Variants in TBCD observed in about 807,000 individuals in gnomAD.
The protein encoded by TBCD is tubulin folding cofactor D, also known as tubulin-specific chaperone D.
TBCD carries 105 observed loss-of-function variants against 169.3 expected under a neutral mutation model. The ratio of observed to expected loss-of-function variants is 0.62; its 90% CI spans 0.53 to 0.73. TBCD has a LOEUF of 0.73. Ranked by LOEUF, TBCD falls within the 30% of genes least tolerant of loss-of-function variation. The pLI, the probability that TBCD is intolerant of heterozygous loss-of-function variation, is 0.00. For missense variants in TBCD, 1,444 were observed against 1,600.1 expected (o/e 0.90, Z 1.66); for synonymous variants, 700 against 643.9 (o/e 1.09, Z -1.32).
At chr17:82,805,843 A>C (rs375287422) in intron 9 of TBCD, 32 bp from the exon 10 acceptor site, 1 of 1,586,420 alleles carries the variant, frequency 6.3e-7, no homozygotes, top group Non-Finnish European at 8.6e-7. Flanking sequence ...GTGAGCTACA[A>C]AGCTGATCTG....
At chr17:82,917,847 G>A (rs1189602963) in intron 23 of TBCD, among the ~76,000 whole-genome samples, 1 of 152,112 alleles carries the variant, frequency 6.6e-6, no homozygotes, top group South Asian at 2.1e-4. Context: ...TTCTTGTGGC[G>A]CCCCCTGGAG....
chr17:82,877,979 T>C (rs1221064914), intron 14 of TBCD, among the ~76,000 whole-genome samples: 1 of 152,244 alleles, frequency 6.6e-6, no homozygotes, highest in African/African-American at 2.4e-5. Context: ...TCTTTTAAGA[T>C]CTTTAGATAA....
At chr17:82,767,567 G>C (rs139831505) in intron 4 of TBCD, among the ~76,000 whole-genome samples, 1,521 of 152,088 alleles carry the variant, frequency 0.01, 21 homozygotes, top group African/African-American at 0.035. Flanking sequence ...TCAGCCTCCT[G>C]AGTAGCTGGG....
intron 13 of TBCD, among the ~76,000 whole-genome samples, chr17:82,840,903 G>A (rs1296311856): frequency 6.6e-6 from 1 of 151,108 alleles, no homozygotes; most frequent in Admixed American, 6.6e-5. Context: ...CTGCAGGGCA[G>A]AGGCTGCAGG....
At chr17:82,755,787 G>T (rs1054069415) in intron 1 of TBCD, among the ~76,000 whole-genome samples, 7 of 152,192 alleles carry the variant, frequency 4.6e-5, no homozygotes, top group Non-Finnish European at 8.8e-5. Flanking sequence ...GAGTGCCAGG[G>T]ATGTGTGTCT....
In TBCD at chr17:82,929,575, A is replaced by G. The variant is rs2034962; in HGVS notation, c.2991+75A>G. 930,255 of 1,574,940 alleles carry G rather than the reference A, an allele frequency of 0.59. 276,337 individuals are homozygous for G. The highest frequency in any genetic ancestry group is 0.76 in the African/African-American group (56,555 of 74,530). Reference sequence around the variant, plus strand: ...TGGTGCTTCCCTGTCTCTTGGGAGCATGTATGGAGCTGGGCCTTTTCTTCC... The same window carrying G: ...TGGTGCTTCCCTGTCTCTTGGGAGCGTGTATGGAGCTGGGCCTTTTCTTCC... On this transcript the variant is annotated intron_variant, in intron 32 of 38. Coordinates refer to ENST00000355528, the MANE Select transcript of TBCD (RefSeq NM_005993.5).
At chr17:82,936,342 C>T (rs943101229) in intron 34 of TBCD, among the ~76,000 whole-genome samples, 2 of 152,192 alleles carry the variant, frequency 1.3e-5, no homozygotes, top group African/African-American at 2.4e-5. Flanking sequence ...CGTGTTTCCA[C>T]GTCTGCTTGT....
At chr17:82,848,170 G>A (rs2145592091) in intron 13 of TBCD, among the ~76,000 whole-genome samples, 1 of 152,306 alleles carries the variant, frequency 6.6e-6, no homozygotes, top group South Asian at 2.1e-4. Context: ...ACAGTCCCCG[G>A]CTCCTCCCTT....
At chr17:82,834,201 G>A (rs1489410848) in intron 13 of TBCD, among the ~76,000 whole-genome samples, 4 of 152,130 alleles carry the variant, frequency 2.6e-5, no homozygotes, top group Non-Finnish European at 4.4e-5. Flanking sequence ...ACCTGCCTTA[G>A]CCTCCCAAAG....
chr17:82,802,607 G>A (rs1290800243), intron 9 of TBCD, among the ~76,000 whole-genome samples: 1 of 152,234 alleles, frequency 6.6e-6, no homozygotes, highest in Non-Finnish European at 1.5e-5. Context: ...GAGCTGATTG[G>A]TTTTAGTCTG....
At chr17:82,787,322 A>G (rs2049389614) in intron 7 of TBCD, among the ~76,000 whole-genome samples, 2 of 152,248 alleles carry the variant, frequency 1.3e-5, no homozygotes, top group South Asian at 4.1e-4. Flanking sequence ...TGGGAAGGGA[A>G]TGAATGAAAC....
At chr17:82,794,067 A>C (rs1459797770) in intron 7 of TBCD, among the ~76,000 whole-genome samples, 1 of 152,076 alleles carries the variant, frequency 6.6e-6, no homozygotes, top group Non-Finnish European at 1.5e-5. Flanking sequence ...TACCAGCCAG[A>C]GCCAAGCCTG....
intron 27 of TBCD, 98 bp downstream of exon 27, chr17:82,925,155 C>A: frequency 1.0e-6 from 1 of 967,040 alleles, no homozygotes; most frequent in Non-Finnish European, 1.5e-6. Context: ...ATAAACCCAT[C>A]AGTGCTTGTA....
At chr17:82,752,672 C>T (rs1311176407) in intron 1 of TBCD, among the ~76,000 whole-genome samples, 1 of 151,976 alleles carries the variant, frequency 6.6e-6, no homozygotes, top group Non-Finnish European at 1.5e-5. Context: ...AGGCGGGGTG[C>T]AGAAGCCCTC....
Position 82,782,084 on chromosome 17 carries a change from T to C in TBCD, c.771+363T>C, listed in dbSNP as rs115341406. 0.01 allele frequency among the ~76,000 whole-genome samples: 1,529 copies of C among 152,316 alleles called. 22 individuals are homozygous for C. The highest frequency in any genetic ancestry group is 0.035 in the African/African-American group (1,455 of 41,570). On this transcript the variant is annotated intron_variant, in intron 7 of 38. Coordinates refer to ENST00000355528, the MANE Select transcript of TBCD (RefSeq NM_005993.5). This position sits in a 1 kb window ranked among gnomAD's most constrained non-coding sequence, Gnocchi z 5.1. The stretch of plus-strand genomic sequence containing the variant: ...ATAAAACAAGGTGGGTGAGTTGAAA[T>C]TTGATTCTGTTCCTTTGCACTGGGC...
At position 82,865,561 on chromosome 17, in the gene TBCD, A is replaced by C. The variant is rs866487944; in HGVS notation, c.1319-4663A>C. 6.1e-6 allele frequency: 6 copies of C among 985,250 alleles called. No homozygotes were observed. The African/African-American group carries it at 7.0e-5, about 11-fold the overall frequency. The allele number at this position is 985,250 out of a possible 1,614,324, so 61.0% of individuals were successfully genotyped here. A position where few individuals can be genotyped will look rare whatever the true frequency, so the allele number is the denominator to read the frequency against. On this transcript the variant is annotated intron_variant, in intron 13 of 38. Transcript: ENST00000355528. ...GCGGGGGTACTCGGCTGCACTGTGC[A>C]CAGCCCTCACCGCCCAGTGCCGAAA...
At chr17:82,868,663 C>T (rs1458413302) in intron 13 of TBCD, among the ~76,000 whole-genome samples, 1 of 152,170 alleles carries the variant, frequency 6.6e-6, no homozygotes, top group Non-Finnish European at 1.5e-5. Flanking sequence ...TCCTTAGATG[C>T]AAAAAGTCAG....
At chr17:82,840,357 GT>G (rs2054366498) in intron 13 of TBCD, 1 of 152,208 alleles carries the variant, frequency 6.6e-6, no homozygotes, top group Non-Finnish European at 1.5e-5. Flanking sequence ...ATAAAGACAT[GT>G]GAGACTTTCC....
chr17:82,923,698 T>C lies in TBCD; in HGVS notation c.2225T>C (p.Met742Thr), dbSNP rs1287005150. ...GCTGCTCTATGCAGTGAATATTACATGAAGGAGCCGGGGGAGGCAGATCCC... is the reference window on the plus strand; with the variant it reads ...GCTGCTCTATGCAGTGAATATTACACGAAGGAGCCGGGGGAGGCAGATCCC... ...ALAALCSEYY[M>T]KEPGEADPAI... The change falls in exon 26 of 39, where the codon ATG (methionine) becomes ACG (threonine). Residue 742 changes from methionine (M) to threonine (T), a missense_variant. Physicochemically the swap from Met to Thr is moderately conservative, Grantham distance 81. Transcript: ENST00000355528. This position sits in a 1 kb window ranked among gnomAD's most constrained non-coding sequence, Gnocchi z 4.6. 6.3e-7 allele frequency: 1 copy of C among 1,599,458 alleles called. No homozygotes were observed. The highest frequency in any genetic ancestry group is 1.7e-5 in the Admixed American group (1 of 58,070).
Sources: allele counts gnomAD v4.1 joint callset (sites outside exome capture counted in the v4.1 genomes callset), GRCh38; gene constraint gnomAD v4.1.1; non-coding constraint Gnocchi (gnomAD v3.1); transcripts MANE v1.5; gene names NCBI Gene and HGNC (gene_info 2026-07-23, HGNC 2026-07-21).